The following USH2A variants were observed in gnomAD, a reference collection of about 807,000 sequenced individuals.
USH2A encodes the protein usherin.
In USH2A, 443 loss-of-function variants were observed where a neutral mutation model predicts 538.9. The observed-to-expected ratio is 0.82, with a 90% CI of 0.76 to 0.89. The LOEUF is 0.89. Ranked by LOEUF, USH2A falls within the 40% of genes least tolerant of loss-of-function variation. The probability of loss-of-function intolerance (pLI) is 0.00; values close to 1 mark genes in which losing one functional copy is unlikely to be tolerated. For missense variants in USH2A, 6,633 were observed against 6,324.8 expected, an observed-to-expected ratio of 1.05 and a Z score of -1.65; for synonymous variants, 2,413 against 2,273.5, an observed-to-expected ratio of 1.06 and a Z score of -1.75.
At chr1:215,762,094 A>G (rs1172734312) in intron 56 of USH2A, among the ~76,000 whole-genome samples, 4 of 152,208 alleles carry the variant, frequency 2.6e-5, no homozygotes, top group Non-Finnish European at 4.4e-5. Context: ...CTGAGAAGAA[A>G]GTAGTTCATT....
chr1:215,783,517 A>G (rs1469767318), intron 52 of USH2A, among the ~76,000 whole-genome samples: 1 of 152,150 alleles, frequency 6.6e-6, no homozygotes, highest in Non-Finnish European at 1.5e-5. Flanking sequence ...CCAAAATACA[A>G]ACCAACCAAC....
chr1:216,163,968 G>T (rs1007335170), intron 21 of USH2A, among the ~76,000 whole-genome samples: 2 of 151,980 alleles, frequency 1.3e-5, no homozygotes, highest in African/African-American at 4.8e-5. Context: ...ATTTTTTCCA[G>T]CTTCTATTTC....
chr1:216,346,515 T>C (rs1184728336), intron 4 of USH2A, among the ~76,000 whole-genome samples: 5 of 152,050 alleles, frequency 3.3e-5, no homozygotes, highest in African/African-American at 9.7e-5. Flanking sequence ...AAATACACTT[T>C]TGAGAATGGC....
intron 32 of USH2A, among the ~76,000 whole-genome samples, chr1:216,040,299 T>C (rs1414185144): frequency 6.6e-6 from 1 of 152,004 alleles, no homozygotes; most frequent in Non-Finnish European, 1.5e-5. Flanking sequence ...TAGTTGTTAT[T>C]TTTCTATAAT....
intron 3 of USH2A, among the ~76,000 whole-genome samples, chr1:216,382,728 A>G (rs2102735439): frequency 6.6e-6 from 1 of 152,312 alleles, no homozygotes; most frequent in South Asian, 2.1e-4. Context: ...AACCACGAAA[A>G]GACCCAAATA....
At chr1:216,001,856 C>T (rs565344026) in intron 32 of USH2A, among the ~76,000 whole-genome samples, 9 of 152,208 alleles carry the variant, frequency 5.9e-5, no homozygotes, top group South Asian at 2.1e-4. Flanking sequence ...AAATAATTTA[C>T]AGTAAATATG....
intron 47 of USH2A, among the ~76,000 whole-genome samples, chr1:215,828,353 G>A (rs748071959): frequency 3.9e-4 from 60 of 152,136 alleles, no homozygotes; most frequent in Non-Finnish European, 6.0e-4. Context: ...AGCTACTCAG[G>A]AGGCTGAGGA....
At chr1:216,256,589 G>A (rs2036264729) in intron 11 of USH2A, among the ~76,000 whole-genome samples, 1 of 151,868 alleles carries the variant, frequency 6.6e-6, no homozygotes, top group South Asian at 2.1e-4. Context: ...TGCCAGCCAT[G>A]AGGCCACAAG....
chr1:215,867,715 C>T lies in USH2A; in HGVS notation c.8682-545G>A, dbSNP rs1664514003. 2.6e-5 allele frequency among the ~76,000 whole-genome samples: 4 copies of T among 152,362 alleles called. No homozygotes were observed. The South Asian group carries it at 8.3e-4, about 32-fold the overall frequency. On this transcript the variant is annotated intron_variant, in intron 43 of 71. Transcript: ENST00000307340. Reference sequence around the variant, plus strand: ...AACTGTGACCAAAGTGTACAACATTCTCCCGCTGAGAGTTTTGCTACAGTG... The same window carrying T: ...AACTGTGACCAAAGTGTACAACATTTTCCCGCTGAGAGTTTTGCTACAGTG...
At chr1:215,673,245 G>T (rs1657881332) in intron 63 of USH2A, among the ~76,000 whole-genome samples, 1 of 151,634 alleles carries the variant, frequency 6.6e-6, no homozygotes, top group Middle Eastern at 3.4e-3. Context: ...ATATATCAGA[G>T]GTAATTATAG....
intron 37 of USH2A, among the ~76,000 whole-genome samples, chr1:215,940,819 A>C (rs979585445): frequency 9.2e-5 from 14 of 152,166 alleles, no homozygotes; most frequent in African/African-American, 3.1e-4. Flanking sequence ...TAAATTGGTC[A>C]TTCCTCTAGC....
intron 5 of USH2A, 102 bp downstream of exon 5, chr1:216,327,489 T>C: frequency 7.1e-7 from 1 of 1,399,476 alleles, no homozygotes. Flanking sequence ...TGCCAAATGG[T>C]ATAAAGATAA....
intron 32 of USH2A, among the ~76,000 whole-genome samples, chr1:216,008,343 T>C (rs1571883884): frequency 2.0e-5 from 3 of 151,500 alleles, no homozygotes; most frequent in African/African-American, 4.9e-5. Flanking sequence ...CCCCACTGAG[T>C]ACCTTGTGAC....
chr1:215,701,328 T>A (rs1336921483), intron 61 of USH2A, among the ~76,000 whole-genome samples: 1 of 152,220 alleles, frequency 6.6e-6, no homozygotes, highest in Non-Finnish European at 1.5e-5. Flanking sequence ...GTCTGTTAGA[T>A]GTCTATTAGA....
intron 21 of USH2A, among the ~76,000 whole-genome samples, chr1:216,109,863 C>T (rs533233019): frequency 3.3e-5 from 5 of 152,234 alleles, no homozygotes; most frequent in South Asian, 2.1e-4. Flanking sequence ...CTTTTTAATG[C>T]TATTTCATGT....
chr1:215,802,625 A>G (rs538921861), intron 49 of USH2A, among the ~76,000 whole-genome samples: 28 of 152,252 alleles, frequency 1.8e-4, no homozygotes, highest in African/African-American at 6.0e-4. Context: ...CAGTAAGAAT[A>G]TGGAGAAATT....
intron 30 of USH2A, among the ~76,000 whole-genome samples, chr1:216,050,061 T>A (rs542645678): frequency 6.6e-6 from 1 of 152,256 alleles, no homozygotes; most frequent in Non-Finnish European, 1.5e-5. Context: ...GCCCCTGCGA[T>A]TGTCATTTCC....
intron 25 of USH2A, among the ~76,000 whole-genome samples, chr1:216,083,982 T>C (rs1404102246): frequency 2.0e-5 from 3 of 152,142 alleles, no homozygotes; most frequent in African/African-American, 7.2e-5. Flanking sequence ...CTTTTTGTGC[T>C]GAAGGCAGTT....
At chr1:216,071,135 G>A (rs2031544478) in intron 29 of USH2A, among the ~76,000 whole-genome samples, 1 of 152,126 alleles carries the variant, frequency 6.6e-6, no homozygotes, top group Non-Finnish European at 1.5e-5. Context: ...CAGGATGATG[G>A]ATGAGAGACC....
Sources: gnomAD v4.1 joint callset for allele counts (sites outside exome capture counted in the v4.1 genomes callset) on GRCh38, gnomAD v4.1.1 for gene constraint, MANE v1.5 for transcripts, NCBI Gene and HGNC (gene_info 2026-07-23, HGNC 2026-07-21) for gene names.